The following PLD5 variants were observed in gnomAD, a reference collection of about 807,000 sequenced individuals.
PLD5 encodes the protein phospholipase D family member 5, also known as inactive phospholipase D5.
A neutral mutation model predicts 61.1 loss-of-function variants in PLD5; 36 were observed. That is an observed-to-expected ratio of 0.59 (90% confidence interval 0.45 to 0.78). PLD5 has a LOEUF of 0.78. Ranked by LOEUF, PLD5 falls within the 30% of genes least tolerant of loss-of-function variation. PLD5 has a pLI of 0.00. For missense variants in PLD5, 515 were observed against 644.4 expected (o/e 0.80, Z 2.17); for synonymous variants, 243 against 242.8 (o/e 1.00, Z -0.01).
Position 242,220,114 on chromosome 1 carries a change from T to C in PLD5, c.609A>G (p.Gly203=). ...SKVLEALKLK[G]AEVTYMNMTA... Reference sequence around the variant, plus strand: ...TCATGTTCATGTACGTCACCTCGGCTCCTAGGAGTTCAAGGACAGTCTGGT... The same window carrying C: ...TCATGTTCATGTACGTCACCTCGGCCCCTAGGAGTTCAAGGACAGTCTGGT... Residue 203 remains glycine (G), a splice_region_variant and synonymous_variant, in exon 5 of 10, where the codon GGA becomes GGG. Coordinates refer to ENST00000536534, the MANE Select transcript of PLD5 (RefSeq NM_001372062.1). The C allele has an allele frequency of 6.2e-7, 1 of 1,614,048 alleles. No homozygotes were observed. Among genetic ancestry groups the C allele is most frequent in the Non-Finnish European group, 8.5e-7 (1 of 1,179,954 alleles).
At chr1:242,300,204 C>T (rs1675943439) in intron 2 of PLD5, among the ~76,000 whole-genome samples, 1 of 152,092 alleles carries the variant, frequency 6.6e-6, no homozygotes, top group Admixed American at 6.5e-5. Context: ...TTTGGGAGGC[C>T]AAGGCGGGTG....
At chr1:242,445,115 G>A (rs951126028) in intron 1 of PLD5, among the ~76,000 whole-genome samples, 1 of 152,154 alleles carries the variant, frequency 6.6e-6, no homozygotes, top group Non-Finnish European at 1.5e-5. Context: ...AGTATTAGAA[G>A]GTAGGGCATG....
intron 4 of PLD5, among the ~76,000 whole-genome samples, chr1:242,226,020 T>TCTGTA (rs1250192935): frequency 6.6e-6 from 1 of 152,230 alleles, no homozygotes; most frequent in East Asian, 1.9e-4. Context: ...TCTAAGTCAT[T>TCTGTA]CTGTATCCTT....
At chr1:242,216,178 A>G (rs1206540995) in intron 5 of PLD5, among the ~76,000 whole-genome samples, 1 of 152,144 alleles carries the variant, frequency 6.6e-6, no homozygotes, top group Non-Finnish European at 1.5e-5. Context: ...TAGGATGCAA[A>G]GTCAGAATAA....
intron 1 of PLD5, among the ~76,000 whole-genome samples, chr1:242,353,046 C>T (rs960197430): frequency 6.6e-6 from 1 of 151,936 alleles, no homozygotes; most frequent in Non-Finnish European, 1.5e-5. Context: ...GAATGTAATC[C>T]CATGTGTTTA....
At chr1:242,211,709 G>T (rs1176206380) in intron 5 of PLD5, among the ~76,000 whole-genome samples, 1 of 152,142 alleles carries the variant, frequency 6.6e-6, no homozygotes, top group Non-Finnish European at 1.5e-5. Context: ...AAAGGATCAC[G>T]ATGGACCCCC....
At chr1:242,176,548 A>T (rs1379045449) in intron 5 of PLD5, among the ~76,000 whole-genome samples, 2 of 152,206 alleles carry the variant, frequency 1.3e-5, no homozygotes, top group Non-Finnish European at 2.9e-5. Flanking sequence ...TGTCTAAAGC[A>T]CCAAAAACAA....
At chr1:242,352,732 C>T (rs927229616) in intron 1 of PLD5, among the ~76,000 whole-genome samples, 4 of 152,158 alleles carry the variant, frequency 2.6e-5, no homozygotes, top group Admixed American at 6.5e-5. Flanking sequence ...TTGATGATAG[C>T]CACTCTAACA....
At chr1:242,439,721 T>A (rs2102904488) in intron 1 of PLD5, among the ~76,000 whole-genome samples, 1 of 152,332 alleles carries the variant, frequency 6.6e-6, no homozygotes, top group Non-Finnish European at 1.5e-5. Flanking sequence ...AATGCATTTG[T>A]CTCATCTTCC....
chr1:242,133,177 C>T (rs899429783), intron 5 of PLD5, among the ~76,000 whole-genome samples: 1 of 152,136 alleles, frequency 6.6e-6, no homozygotes, highest in Non-Finnish European at 1.5e-5. Flanking sequence ...TGTGACTTCA[C>T]TTCAGCCTCT....
chr1:242,097,607 C>G (rs1011043285), intron 9 of PLD5, among the ~76,000 whole-genome samples: 1 of 151,820 alleles, frequency 6.6e-6, no homozygotes, highest in African/African-American at 2.4e-5. Flanking sequence ...GTTTTTTTCT[C>G]GTAAATTTGT....
At chr1:242,300,940 A>C (rs1676002545) in intron 2 of PLD5, among the ~76,000 whole-genome samples, 1 of 152,180 alleles carries the variant, frequency 6.6e-6, no homozygotes, top group African/African-American at 2.4e-5. Context: ...CATCTGCCCC[A>C]TTCCTAATGC....
chr1:242,339,811 C>G (rs1659731679), intron 2 of PLD5, among the ~76,000 whole-genome samples: 1 of 152,130 alleles, frequency 6.6e-6, no homozygotes. Flanking sequence ...GGAGTTACAT[C>G]AGGTGGACGC....
intron 2 of PLD5, among the ~76,000 whole-genome samples, chr1:242,346,273 T>C (rs1053291402): frequency 6.6e-6 from 1 of 151,526 alleles, no homozygotes; most frequent in African/African-American, 2.4e-5. Flanking sequence ...TTCCTCCAAG[T>C]GAAAAAAAAA....
intron 2 of PLD5, among the ~76,000 whole-genome samples, chr1:242,330,619 G>A (rs1391390884): frequency 1.3e-5 from 2 of 152,080 alleles, no homozygotes; most frequent in African/African-American, 4.8e-5. Flanking sequence ...TCTAGCATTA[G>A]CACAGTCTTC....
intron 2 of PLD5, among the ~76,000 whole-genome samples, chr1:242,325,721 C>CT (rs35305054): frequency 5.9e-5 from 9 of 151,968 alleles, no homozygotes; most frequent in Non-Finnish European, 7.4e-5. Context: ...ACCTCGAGGG[C>CT]TTTTTTTACC....
intron 5 of PLD5, among the ~76,000 whole-genome samples, chr1:242,211,580 C>G (rs751991578): frequency 2.0e-5 from 3 of 152,132 alleles, no homozygotes; most frequent in Non-Finnish European, 4.4e-5. Context: ...TGGTGCCGGC[C>G]GCCCCCTGGC....
At chr1:242,227,224 AT>A (rs911480277) in intron 4 of PLD5, among the ~76,000 whole-genome samples, 4 of 151,130 alleles carry the variant, frequency 2.6e-5, no homozygotes, top group African/African-American at 7.3e-5. Flanking sequence ...TTTGATTTTT[AT>A]TTTTTTTTAA....
Position 242,089,393 on chromosome 1 carries a change from G to C in PLD5, c.*461C>G. 1 of 412,164 alleles carries C rather than the reference G, an allele frequency of 2.4e-6. No individual in the cohort carries two copies. The highest frequency in any genetic ancestry group is 4.3e-6 in the Non-Finnish European group (1 of 233,698). The allele number at this position is 412,164 out of a possible 1,614,324, so 25.5% of individuals were successfully genotyped here. On this transcript the variant is annotated 3_prime_UTR_variant, in exon 10 of 10. Coordinates refer to ENST00000536534, the MANE Select transcript of PLD5 (RefSeq NM_001372062.1). ...CTATTCATGCTTAGCTGACTGTGTA[G>C]GTCTTGGAGACGATTTACAAGAATA...
Sources: gnomAD v4.1 joint callset for allele counts (sites outside exome capture counted in the v4.1 genomes callset) on GRCh38, gnomAD v4.1.1 for gene constraint, MANE v1.5 for transcripts, NCBI Gene and HGNC (gene_info 2026-07-23, HGNC 2026-07-21) for gene names.